Variants in ABLIM1 observed in about 807,000 individuals in gnomAD.
The protein encoded by ABLIM1 is actin binding LIM protein 1.
ABLIM1 carries 40 observed loss-of-function variants against 107.0 expected under a neutral mutation model. The ratio of observed to expected loss-of-function variants is 0.37; its 90% CI spans 0.29 to 0.49. ABLIM1 has a LOEUF of 0.49. Among genes scored for constraint, ABLIM1 ranks in the 20% least tolerant of loss-of-function variants. The pLI is 0.97. For missense variants in ABLIM1, 857 were observed against 1,008.5 expected (o/e 0.85, Z 2.04); for synonymous variants, 357 against 357.3 (o/e 1.00, Z 0.01).
chr10:114,549,370 C>G (rs1230211254), intron 4 of ABLIM1, among the ~76,000 whole-genome samples: 1 of 152,062 alleles, frequency 6.6e-6, no homozygotes, highest in African/African-American at 2.4e-5. Context: ...GCAACAAGAA[C>G]GAAGCTCCGT....
At chr10:114,646,441 C>T (rs528432803) in intron 1 of ABLIM1, among the ~76,000 whole-genome samples, 12 of 152,250 alleles carry the variant, frequency 7.9e-5, no homozygotes, top group South Asian at 2.1e-4. Context: ...CTGCAATATG[C>T]GAAGTATCAC....
At chr10:114,529,218 G>A (rs573877967) in intron 6 of ABLIM1, among the ~76,000 whole-genome samples, 9 of 150,742 alleles carry the variant, frequency 6.0e-5, no homozygotes, top group Admixed American at 1.3e-4. Context: ...TCTGCCTCCC[G>A]GGTTCAAGCG....
At chr10:114,726,354 G>A (rs2081958957) in intron 1 of ABLIM1, among the ~76,000 whole-genome samples, 1 of 152,098 alleles carries the variant, frequency 6.6e-6, no homozygotes. Flanking sequence ...GTTGGCCCAC[G>A]GTTCTACAGG....
At chr10:114,790,564 C>T in the ABLIM1 span, among the ~76,000 whole-genome samples, 1 of 152,194 alleles carries the variant, frequency 6.6e-6, no homozygotes, top group Non-Finnish European at 1.5e-5. Flanking sequence ...CTAAAAATTT[C>T]AACATGGTAA....
At chr10:114,725,362 G>A (rs1204236406) in intron 1 of ABLIM1, among the ~76,000 whole-genome samples, 1 of 152,070 alleles carries the variant, frequency 6.6e-6, no homozygotes, top group Admixed American at 6.6e-5. Context: ...CCATTAGCAG[G>A]AAATGTGGAG....
rs1184257533 is a variant in ABLIM1, at chr10:114,432,399, GAGCGGTC to G, written c.*3854_*3860del. ...AAGGGTTCTGTGAGCACCCAACCTG[GAGCGGTC>G]ACCTGTCTCTTCCATACACAGGAGG... On this transcript the variant is annotated 3_prime_UTR_variant, in exon 23 of 23. Coordinates refer to ENST00000533213, the MANE Select transcript of ABLIM1 (RefSeq NM_002313.7). 1 of 152,130 alleles carries G rather than the reference GAGCGGTC, an allele frequency of 6.6e-6. No individual in the cohort carries two copies. 9.4% of individuals were successfully genotyped at this position (152,130 alleles called of 1,614,324 possible). A position where few individuals can be genotyped will look rare whatever the true frequency, so the allele number is the denominator to read the frequency against.
At chr10:114,451,518 G>A in intron 14 of ABLIM1, 106 bp downstream of exon 14, 2 of 1,066,564 alleles carry the variant, frequency 1.9e-6, no homozygotes, top group Non-Finnish European at 2.9e-6. Flanking sequence ...GGATGCCCCA[G>A]TTTTACTCTC....
intron 1 of ABLIM1, among the ~76,000 whole-genome samples, chr10:114,651,734 C>G (rs1359131328): frequency 6.6e-6 from 1 of 152,120 alleles, no homozygotes; most frequent in African/African-American, 2.4e-5. Context: ...TAGCTGAAAC[C>G]TCAAATCCCT....
At chr10:114,529,418 G>A (rs532817539) in intron 6 of ABLIM1, among the ~76,000 whole-genome samples, 34 of 152,058 alleles carry the variant, frequency 2.2e-4, no homozygotes, top group Admixed American at 9.2e-4. Flanking sequence ...CACTGCGCCC[G>A]GCCTCTTCAT....
At chr10:114,682,375 A>C (rs2141587925) in intron 1 of ABLIM1, among the ~76,000 whole-genome samples, 1 of 152,336 alleles carries the variant, frequency 6.6e-6, no homozygotes, top group Non-Finnish European at 1.5e-5. Context: ...AACAGCTGCA[A>C]GCTTTGCTGT....
At chr10:114,441,120 T>C (rs761414022) in intron 18 of ABLIM1, 43 bp from the exon 19 acceptor site, 21 of 1,540,364 alleles carry the variant, frequency 1.4e-5, no homozygotes, top group Non-Finnish European at 1.8e-5. Flanking sequence ...TCCATAGTGA[T>C]CGTTTTGGAG....
chr10:114,639,412 C>T (rs961512142), intron 1 of ABLIM1, among the ~76,000 whole-genome samples: 1 of 152,244 alleles, frequency 6.6e-6, no homozygotes, highest in Admixed American at 6.5e-5. Context: ...TGGGTCAAAA[C>T]CCCTCACATC....
intron 1 of ABLIM1, among the ~76,000 whole-genome samples, chr10:114,651,395 T>A (rs2079233114): frequency 6.6e-6 from 1 of 152,042 alleles, no homozygotes; most frequent in Admixed American, 6.6e-5. Flanking sequence ...AGAGGTAAGA[T>A]CAGGCCGGCC....
At chr10:114,542,410 TAAAA>T (rs1186576100) in intron 6 of ABLIM1, among the ~76,000 whole-genome samples, 2 of 49,598 alleles carry the variant, frequency 4.0e-5, no homozygotes, top group African/African-American at 1.3e-4. Context: ...ACCTTGTCTC[TAAAA>T]AAAAAAAAGA....
intron 6 of ABLIM1, among the ~76,000 whole-genome samples, chr10:114,524,773 G>A (rs1046035424): frequency 1.3e-5 from 2 of 152,198 alleles, no homozygotes; most frequent in East Asian, 3.8e-4. Context: ...TATAAAATAA[G>A]TCCCACAAGG....
At chr10:114,446,322 G>A (rs2061016296) in intron 15 of ABLIM1, among the ~76,000 whole-genome samples, 1 of 152,108 alleles carries the variant, frequency 6.6e-6, no homozygotes, top group Non-Finnish European at 1.5e-5. Context: ...TCACAAAAGA[G>A]TTTTATACTA....
intron 12 of ABLIM1, among the ~76,000 whole-genome samples, chr10:114,454,610 G>C (rs1304116005): frequency 1.3e-5 from 2 of 152,194 alleles, no homozygotes; most frequent in Admixed American, 6.5e-5. Flanking sequence ...AAAGCTTTAA[G>C]TGCCACCATA....
chr10:114,651,194 A>C (rs189939938), intron 1 of ABLIM1, among the ~76,000 whole-genome samples: 132 of 152,160 alleles, frequency 8.7e-4, no homozygotes, highest in Non-Finnish European at 7.2e-4. Context: ...GCGAACATTC[A>C]CTCATTCATT....
intron 12 of ABLIM1, chr10:114,463,006 A>T: frequency 7.6e-7 from 1 of 1,308,060 alleles, no homozygotes. Flanking sequence ...ATAAATCTCC[A>T]CTATGCAGGG....
Sources: allele counts gnomAD v4.1 joint callset (sites outside exome capture counted in the v4.1 genomes callset), GRCh38; gene constraint gnomAD v4.1.1; transcripts MANE v1.5; gene names NCBI Gene and HGNC (gene_info 2026-07-23, HGNC 2026-07-21).